The following TMEM181 variants were observed in gnomAD, a reference collection of about 807,000 sequenced individuals.
The protein encoded by TMEM181 is transmembrane protein 181.
TMEM181 carries 39 observed loss-of-function variants against 71.9 expected under a neutral mutation model. The observed-to-expected ratio is 0.54, with a 90% CI of 0.42 to 0.71. TMEM181 has a LOEUF of 0.71. TMEM181 is among the 30% of genes least tolerant of loss of function. The pLI is 0.00. For synonymous variants in TMEM181, 245 were observed against 228.8 expected (o/e 1.07, Z -0.64); for missense variants, 595 against 583.0 (o/e 1.02, Z -0.21).
At chr6:158,603,649 T>C (rs1784791704) in intron 6 of TMEM181, among the ~76,000 whole-genome samples, 1 of 151,674 alleles carries the variant, frequency 6.6e-6, no homozygotes, top group African/African-American at 2.4e-5. Context: ...CCTTCACATT[T>C]ACCAATCTCT....
chr6:158,632,014 ATT>A lies in TMEM181; in HGVS notation c.*132_*133del. On this transcript the variant is annotated 3_prime_UTR_variant, in exon 17 of 17. Transcript: ENST00000684151. ...AGATTTCCTGTTCATTTGTTTACAT[ATT>A]TTTTTAAAGGAAAACCAAAACTGAG... 2.0e-6 allele frequency: 2 copies of A among 1,019,942 alleles called. No individual in the cohort carries two copies. Among genetic ancestry groups the A allele is most frequent in the Non-Finnish European group, 2.8e-6 (2 of 707,386 alleles). 63.2% of individuals were successfully genotyped at this position (1,019,942 alleles called of 1,614,324 possible).
chr6:158,581,027 TG>T (rs1162790310), intron 3 of TMEM181, 32 bp downstream of exon 3: 1 of 1,593,762 alleles, frequency 6.3e-7, no homozygotes, highest in Non-Finnish European at 8.6e-7. Context: ...AGCTGGGTGG[TG>T]GGGTGCATTA....
At position 158,596,178 on chromosome 6, in the gene TMEM181, C is replaced by T. The variant is rs1449801957; in HGVS notation, c.492+6396C>T. 1.3e-3 allele frequency among the ~76,000 whole-genome samples: 195 copies of T among 152,288 alleles called. 1 individual carries two copies. The highest frequency in any genetic ancestry group is 3.5e-4 in the Non-Finnish European group (24 of 68,028). The stretch of plus-strand genomic sequence containing the variant: ...CTCATGATCCGCCCGCCTAGTCTCC[C>T]AAAGTGCTGGGATTACCAGTGTGAG... On this transcript the variant is annotated intron_variant, in intron 6 of 16. Coordinates refer to ENST00000684151, the MANE Select transcript of TMEM181 (RefSeq NM_001376852.1).
Position 158,583,880 on chromosome 6 carries a change from T to C in TMEM181, c.169-74T>C, listed in dbSNP as rs1783612176. 14 of 1,062,606 alleles carry C rather than the reference T, an allele frequency of 1.3e-5. No individual in the cohort carries two copies. The Middle Eastern group carries it at 7.1e-4, about 54-fold the overall frequency. The allele number at this position is 1,062,606 out of a possible 1,614,324, so 65.8% of individuals were successfully genotyped here. A position where few individuals can be genotyped will look rare whatever the true frequency, so the allele number is the denominator to read the frequency against. On this transcript the variant is annotated intron_variant, in intron 3 of 16. Coordinates refer to ENST00000684151, the MANE Select transcript of TMEM181 (RefSeq NM_001376852.1). Reference sequence around the variant, plus strand: ...CCTTTATTGCTAAAAGTAAACTTTGTGTGTTAAAACGATGAGGTATTTGGT... The same window carrying C: ...CCTTTATTGCTAAAAGTAAACTTTGCGTGTTAAAACGATGAGGTATTTGGT...
At position 158,560,131 on chromosome 6, in the gene TMEM181, C is replaced by A. The variant is rs1471489643; in HGVS notation, c.-94C>A. 2 of 984,868 alleles carry A rather than the reference C, an allele frequency of 2.0e-6. No homozygotes were observed. Among genetic ancestry groups the A allele is most frequent in the Admixed American group, 1.2e-4 (2 of 16,232 alleles). 61.0% of individuals were successfully genotyped at this position (984,868 alleles called of 1,614,324 possible). ...GGCCGCTGCTCAGCCGCTGTCGCTC[C>A]GGCTCCGGCTGCGGCTGCCGCTGCC... On this transcript the variant is annotated 5_prime_UTR_variant, in exon 1 of 17. Coordinates refer to ENST00000684151, the MANE Select transcript of TMEM181 (RefSeq NM_001376852.1).
rs758712319 is a variant in TMEM181, at chr6:158,607,295, G to C, written c.625G>C (p.Glu209Gln). Residue 209 changes from glutamate to glutamine, a missense_variant, in exon 8 of 17, where the codon GAG becomes CAG. By Grantham distance (29) the Glu-to-Gln change is conservative. Coordinates refer to ENST00000684151, the MANE Select transcript of TMEM181 (RefSeq NM_001376852.1). Reference protein sequence around the residue: ...RKFSMRDWGIEQKWMSVLLPL... With the variant: ...RKFSMRDWGIQQKWMSVLLPL... Reference sequence around the variant, plus strand: ...ATTTTCCATGAGAGACTGGGGCATCGAGCAGAAGTGGATGTCTGTTCTCCT... The same window carrying C: ...ATTTTCCATGAGAGACTGGGGCATCCAGCAGAAGTGGATGTCTGTTCTCCT... 1.2e-6 allele frequency: 2 copies of C among 1,614,168 alleles called. No homozygotes were observed. The highest frequency in any genetic ancestry group is 2.2e-5 in the South Asian group (2 of 91,080).
upstream of TMEM181, among the ~76,000 whole-genome samples, chr6:158,557,334 T>G (rs910165611): frequency 7.0e-6 from 1 of 142,594 alleles, no homozygotes; most frequent in African/African-American, 2.7e-5. Context: ...ATTGCGCCAC[T>G]GCATTCTAGC....
chr6:158,557,118 G>A (rs1562618042), upstream of TMEM181, among the ~76,000 whole-genome samples: 1 of 152,032 alleles, frequency 6.6e-6, no homozygotes, highest in East Asian at 1.9e-4. Flanking sequence ...GCACCTCCTA[G>A]GATCCCAGCA....
chr6:158,611,085 C>A, intron 10 of TMEM181: 1 of 483,668 alleles, frequency 2.1e-6, no homozygotes, highest in South Asian at 1.6e-5. Flanking sequence ...GAGCATTTGT[C>A]AGTGACTGTC....
At chr6:158,573,131 G>C (rs1033433418) in intron 1 of TMEM181, among the ~76,000 whole-genome samples, 1 of 152,194 alleles carries the variant, frequency 6.6e-6, no homozygotes, top group African/African-American at 2.4e-5. Context: ...AGCCCCCCTA[G>C]TGCATTCTCC....
intron 4 of TMEM181, among the ~76,000 whole-genome samples, chr6:158,584,701 C>A (rs2128301681): frequency 6.6e-6 from 1 of 152,346 alleles, no homozygotes; most frequent in East Asian, 1.9e-4. Flanking sequence ...AAGATAACCC[C>A]ATGACCACAG....
intron 1 of TMEM181, among the ~76,000 whole-genome samples, chr6:158,539,482 C>G (rs1448879057): frequency 6.6e-6 from 1 of 152,134 alleles, no homozygotes; most frequent in Non-Finnish European, 1.5e-5. Flanking sequence ...TCTTCATTTC[C>G]TTATTGGTGG....
chr6:158,587,760 G>T (rs2128303890), intron 5 of TMEM181, among the ~76,000 whole-genome samples: 1 of 152,130 alleles, frequency 6.6e-6, no homozygotes, highest in East Asian at 1.9e-4. Flanking sequence ...ATTGTCAGCA[G>T]CAGAACCGTG....
At chr6:158,562,729 T>G (rs182620718) in intron 1 of TMEM181, among the ~76,000 whole-genome samples, 38 of 152,228 alleles carry the variant, frequency 2.5e-4, no homozygotes, top group Non-Finnish European at 3.4e-4. Context: ...TATTTAGGAC[T>G]TTGTCTCATG....
upstream of TMEM181, chr6:158,560,001 G>C: frequency 1.0e-6 from 1 of 973,614 alleles, no homozygotes; most frequent in South Asian, 4.7e-5. Flanking sequence ...CCCCCTCGCC[G>C]CGCGCCCGCG....
Position 158,634,822 on chromosome 6 carries a change from C to G in TMEM181, c.*2934C>G, listed in dbSNP as rs1454228752. ...CCTCAAGTATTTTATGAACTATTTA[C>G]TGAGGGTAGTTATGTTAAATAGATT... On this transcript the variant is annotated 3_prime_UTR_variant, in exon 17 of 17. Transcript: ENST00000684151. 1 of 152,142 alleles carries G rather than the reference C, an allele frequency of 6.6e-6. No individual in the cohort carries two copies. The highest frequency in any genetic ancestry group is 1.5e-5 in the Non-Finnish European group (1 of 68,020). 9.4% of individuals were successfully genotyped at this position (152,142 alleles called of 1,614,324 possible).
intron 5 of TMEM181, among the ~76,000 whole-genome samples, chr6:158,587,749 C>A (rs1026807816): frequency 2.6e-5 from 4 of 151,876 alleles, no homozygotes; most frequent in South Asian, 2.1e-4. Context: ...AGAGGTACAT[C>A]ATTGTCAGCA....
chr6:158,589,914 A>G (rs1301774280), intron 6 of TMEM181, 132 bp downstream of exon 6: 3 of 660,714 alleles, frequency 4.5e-6, no homozygotes, highest in Middle Eastern at 2.6e-4. Flanking sequence ...AAGTTTTTAA[A>G]AATTATAGGA....
intron 5 of TMEM181, 94 bp downstream of exon 5, chr6:158,585,519 G>C (rs1783718773): frequency 2.3e-6 from 3 of 1,308,760 alleles, no homozygotes; most frequent in Admixed American, 3.2e-5. Context: ...AGCATGGTAA[G>C]AGGCTTCGAG....
Sources: allele counts gnomAD v4.1 joint callset (sites outside exome capture counted in the v4.1 genomes callset), GRCh38; gene constraint gnomAD v4.1.1; transcripts MANE v1.5; gene names NCBI Gene and HGNC (gene_info 2026-07-23, HGNC 2026-07-21).